FRYL: variants seen among roughly 807,000 people sequenced by gnomAD.
FRYL encodes FRY like transcription coactivator.
A neutral mutation model predicts 351.2 loss-of-function variants in FRYL; 150 were observed. That is an observed-to-expected ratio of 0.43 (90% CI 0.37 to 0.49). The LOEUF is 0.49. Ranked by LOEUF, FRYL falls within the 20% of genes least tolerant of loss-of-function variation. FRYL has a pLI of 0.00. For missense variants in FRYL, 3,036 were observed against 3,619.3 expected, an observed-to-expected ratio of 0.84 and a Z score of 4.13; for synonymous variants, 1,153 against 1,257.1, an observed-to-expected ratio of 0.92 and a Z score of 1.75.
intron 2 of FRYL, among the ~76,000 whole-genome samples, chr4:48,688,700 G>C (rs998552669): frequency 9.0e-6 from 1 of 110,634 alleles, no homozygotes; most frequent in Non-Finnish European, 1.7e-5. Flanking sequence ...GTCTCACTCT[G>C]TTGCCAGGCT....
intron 55 of FRYL, among the ~76,000 whole-genome samples, chr4:48,515,928 C>T (rs190670079): frequency 1.8e-4 from 28 of 152,178 alleles, no homozygotes; most frequent in Admixed American, 1.7e-3. Context: ...TCATTGCTTT[C>T]ATTACAGTGG....
chr4:48,704,827 T>C (rs2149581619), intron 2 of FRYL, among the ~76,000 whole-genome samples: 1 of 151,722 alleles, frequency 6.6e-6, no homozygotes, highest in East Asian at 1.9e-4. Flanking sequence ...CAGGCACCTG[T>C]AATCCCAGCT....
At chr4:48,750,644 G>C (rs933984521) in intron 1 of FRYL, among the ~76,000 whole-genome samples, 1 of 152,084 alleles carries the variant, frequency 6.6e-6, no homozygotes, top group Non-Finnish European at 1.5e-5. Context: ...ATCTTCTAAC[G>C]AACTGAATGT....
chr4:48,701,543 T>C (rs1180627962), intron 2 of FRYL, among the ~76,000 whole-genome samples: 4 of 152,186 alleles, frequency 2.6e-5, no homozygotes, highest in Admixed American at 6.5e-5. Context: ...AAAGAGAGTA[T>C]ATGAAATCAT....
intron 1 of FRYL, among the ~76,000 whole-genome samples, chr4:48,773,611 G>T (rs1775733663): frequency 6.6e-6 from 1 of 152,108 alleles, no homozygotes; most frequent in Non-Finnish European, 1.5e-5. Flanking sequence ...CCAGGCTTAG[G>T]TAGAATAATG....
At chr4:48,551,463 A>G (rs750202194) in intron 37 of FRYL, 31 bp downstream of exon 37, 3 of 1,229,946 alleles carry the variant, frequency 2.4e-6, no homozygotes. Context: ...TGTCAAACTG[A>G]AAGGCTAATA....
At chr4:48,577,993 A>ATC (rs1200442685) in intron 23 of FRYL, among the ~76,000 whole-genome samples, 1 of 151,726 alleles carries the variant, frequency 6.6e-6, no homozygotes, top group Non-Finnish European at 1.5e-5. Context: ...ATATATATAT[A>ATC]TTCAAATCCA....
intron 33 of FRYL, 41 bp downstream of exon 33, chr4:48,561,427 G>A (rs202060262): frequency 3.5e-4 from 451 of 1,297,458 alleles, no homozygotes; most frequent in Non-Finnish European, 4.4e-4. Flanking sequence ...CTGAAGAAAT[G>A]ATTGACAAAT....
intron 1 of FRYL, among the ~76,000 whole-genome samples, chr4:48,760,345 T>C (rs1774275270): frequency 6.6e-6 from 1 of 152,204 alleles, no homozygotes; most frequent in Admixed American, 6.5e-5. Context: ...TGCTGTTATA[T>C]AGAAATAAAA....
rs1424637963 is a variant in FRYL, at chr4:48,684,706, T to G, written c.-114A>C. On this transcript the variant is annotated 5_prime_UTR_variant, in exon 3 of 64. Coordinates refer to ENST00000358350, the MANE Select transcript of FRYL (RefSeq NM_015030.2). ...TTGAGACAGTAATTTCTTGGTGACT[T>G]GGATCATCTAATCCTATGACTCTTG... is the stretch of plus-strand genomic sequence containing the variant. 1 of 152,242 alleles carries G rather than the reference T, an allele frequency of 6.6e-6. No individual in the cohort carries two copies. The highest frequency in any genetic ancestry group is 2.4e-5 in the African/African-American group (1 of 41,458). The allele number at this position is 152,242 out of a possible 1,614,324, so 9.4% of individuals were successfully genotyped here.
intron 33 of FRYL, among the ~76,000 whole-genome samples, chr4:48,561,127 A>G (rs909517099): frequency 5.3e-5 from 8 of 152,256 alleles, no homozygotes; most frequent in African/African-American, 1.9e-4. Context: ...ACATATGCCA[A>G]TACACAAAAT....
intron 2 of FRYL, among the ~76,000 whole-genome samples, chr4:48,706,548 T>C (rs1767371959): frequency 1.3e-5 from 2 of 152,188 alleles, no homozygotes; most frequent in Admixed American, 1.3e-4. Context: ...GATGAGAAAG[T>C]TCTGGAGATG....
intron 55 of FRYL, among the ~76,000 whole-genome samples, chr4:48,516,826 A>T (rs1723724393): frequency 6.6e-6 from 1 of 152,208 alleles, no homozygotes; most frequent in Admixed American, 6.6e-5. Flanking sequence ...TCAGCAACAT[A>T]CAAATGGGTG....
intron 1 of FRYL, among the ~76,000 whole-genome samples, chr4:48,722,112 T>C (rs1266429572): frequency 1.3e-5 from 2 of 152,208 alleles, no homozygotes; most frequent in African/African-American, 2.4e-5. Flanking sequence ...TTGTCTTCTA[T>C]GAATTTTTGT....
intron 2 of FRYL, 80 bp downstream of exon 2, chr4:48,710,439 A>G (rs1462722535): frequency 1.3e-5 from 5 of 398,256 alleles, no homozygotes; most frequent in Non-Finnish European, 2.2e-5. Flanking sequence ...ATTTAGAAAA[A>G]TCAGCAAAAA....
rs199626199 is a variant in FRYL, at chr4:48,764,530, C to CA, written c.-384+15547dup. Among the ~76,000 whole-genome samples, 259 of 100,138 alleles carry CA rather than the reference C, an allele frequency of 2.6e-3. 1 individual carries two copies. The highest frequency in any genetic ancestry group is 5.5e-3 in the Admixed American group (53 of 9,646). The allele number at this position is 100,138 out of a possible 152,430, so 65.7% of individuals were successfully genotyped here. A position where few individuals can be genotyped will look rare whatever the true frequency, so the allele number is the denominator to read the frequency against. On this transcript the variant is annotated intron_variant, in intron 1 of 63. Coordinates refer to ENST00000358350, the MANE Select transcript of FRYL (RefSeq NM_015030.2). ...TGAACAACAAAGCGAGACTCTGTTT[C>CA]AAAAAAAAAGAAAAGAAAAGAAAAG...
At chr4:48,706,264 A>T (rs1767331210) in intron 2 of FRYL, among the ~76,000 whole-genome samples, 1 of 152,226 alleles carries the variant, frequency 6.6e-6, no homozygotes, top group African/African-American at 2.4e-5. Flanking sequence ...CAGTTGATGG[A>T]TGGATAAAAT....
chr4:48,729,540 G>C (rs1174881839), intron 1 of FRYL, among the ~76,000 whole-genome samples: 2 of 152,158 alleles, frequency 1.3e-5, no homozygotes, highest in African/African-American at 4.8e-5. Flanking sequence ...AGCTTCTAGA[G>C]GAAGGATCAG....
In FRYL at chr4:48,723,868, T is replaced by C. The variant is rs1214748203; in HGVS notation, c.-383-13170A>G. 3.3e-5 allele frequency among the ~76,000 whole-genome samples: 5 copies of C among 151,514 alleles called. No homozygotes were observed. In the East Asian group the frequency reaches 9.7e-4, roughly 29 times the overall value. On this transcript the variant is annotated intron_variant, in intron 1 of 63. Coordinates refer to ENST00000358350, the MANE Select transcript of FRYL (RefSeq NM_015030.2). ...TGGGAGGCCAAGACAGGAGGACTGT[T>C]TGAACCCAGGAGTTTGAGACCAGCC...
Sources: gnomAD v4.1 joint callset for allele counts (sites outside exome capture counted in the v4.1 genomes callset) on GRCh38, gnomAD v4.1.1 for gene constraint, MANE v1.5 for transcripts, NCBI Gene and HGNC (gene_info 2026-07-23, HGNC 2026-07-21) for gene names.